Variants in WDR59 observed in about 807,000 individuals in gnomAD.
The protein encoded by WDR59 is GATOR2 complex protein WDR59.
A neutral mutation model predicts 131.2 loss-of-function variants in WDR59; 100 were observed. The ratio of observed to expected loss-of-function variants is 0.76; its 90% confidence interval spans 0.65 to 0.90. WDR59 has a LOEUF of 0.90. Ranked by LOEUF, WDR59 falls within the 40% of genes least tolerant of loss-of-function variation. The pLI is 0.00. For synonymous variants in WDR59, 601 were observed against 466.2 expected (o/e 1.29, Z -3.72); for missense variants, 1,203 against 1,262.2 (o/e 0.95, Z 0.71).
chr16:74,974,329 G>C (rs2034102498), intron 1 of WDR59, among the ~76,000 whole-genome samples: 1 of 152,130 alleles, frequency 6.6e-6, no homozygotes, highest in Non-Finnish European at 1.5e-5. Context: ...GGGCAGAGGA[G>C]AGGGCTATTT....
At position 74,886,418 on chromosome 16, in the gene WDR59, G is replaced by A. The variant is rs199679955; in HGVS notation, c.2420-22C>T. ...CCCGCTGAAGAAAATCAAATGGGAA[G>A]GGAAGATGGCAATCAGAGAAGGCAT... On this transcript the variant is annotated intron_variant, in intron 23 of 25. Transcript: ENST00000262144. The A allele has an allele frequency of 1.3e-3, 2,151 of 1,609,692 alleles. 2 individuals are homozygous for A. Among genetic ancestry groups the A allele is most frequent in the Non-Finnish European group, 1.7e-3 (2,024 of 1,178,238 alleles).
intron 18 of WDR59, 65 bp from the exon 19 acceptor site, chr16:74,893,877 G>C: frequency 6.3e-7 from 1 of 1,577,804 alleles, no homozygotes; most frequent in Non-Finnish European, 8.7e-7. Flanking sequence ...CAATTGCAGA[G>C]CTCATCATAT....
At chr16:74,958,592 CAAAAAAAAAAAAAAAAAAAA>C (rs747175030) in intron 2 of WDR59, among the ~76,000 whole-genome samples, 1 of 13,234 alleles carries the variant, frequency 7.6e-5, no homozygotes, top group Non-Finnish European at 1.5e-4. Context: ...GACTCCATCT[CAAAAAAAAAAAAAAAAAAAA>C]AAAAAAAACA....
At chr16:74,903,860 T>C in intron 18 of WDR59, 87 bp downstream of exon 18, 1 of 1,458,374 alleles carries the variant, frequency 6.9e-7, no homozygotes, top group Non-Finnish European at 9.2e-7. Context: ...GGGTGATTAC[T>C]AATCTAGCTG....
intron 2 of WDR59, among the ~76,000 whole-genome samples, chr16:74,960,415 T>C (rs768223441): frequency 3.3e-5 from 5 of 151,516 alleles, no homozygotes; most frequent in Admixed American, 6.6e-5. Flanking sequence ...ATATCCAACA[T>C]TGACTACTAG....
intron 17 of WDR59, among the ~76,000 whole-genome samples, chr16:74,905,410 G>A (rs1383508290): frequency 2.6e-5 from 4 of 151,366 alleles, no homozygotes; most frequent in South Asian, 2.1e-4. Flanking sequence ...GGCCGGGCAC[G>A]GTGGCTCACG....
intron 1 of WDR59, among the ~76,000 whole-genome samples, chr16:74,981,660 A>ATATTTTTTTTTTT (rs1567451007): frequency 2.5e-5 from 2 of 80,878 alleles, no homozygotes; most frequent in African/African-American, 1.5e-4. Context: ...ATATATATAT[A>ATATTTTTTTTTTT]TTTTTTTTTT....
At chr16:74,981,660 A>ATTTTTTTTTTTTTTTT (rs1181233727) in intron 1 of WDR59, among the ~76,000 whole-genome samples, 2 of 80,864 alleles carry the variant, frequency 2.5e-5, no homozygotes, top group Admixed American at 1.6e-4. Flanking sequence ...ATATATATAT[A>ATTTTTTTTTTTTTTTT]TTTTTTTTTT....
chr16:74,954,229 A>G (rs1268957323), intron 3 of WDR59, among the ~76,000 whole-genome samples: 1 of 151,956 alleles, frequency 6.6e-6, no homozygotes, highest in East Asian at 1.9e-4. Flanking sequence ...ACCAACACGG[A>G]GAAACCCTGT....
At chr16:74,941,211 T>C (rs990684177) in intron 7 of WDR59, among the ~76,000 whole-genome samples, 1 of 151,450 alleles carries the variant, frequency 6.6e-6, no homozygotes, top group East Asian at 2.0e-4. Flanking sequence ...TGTGGTGGCA[T>C]GTACCTGTAG....
At chr16:74,914,994 T>C (rs1966291672) in intron 13 of WDR59, among the ~76,000 whole-genome samples, 1 of 152,228 alleles carries the variant, frequency 6.6e-6, no homozygotes. Flanking sequence ...GGAGAGATAC[T>C]CAATTTTCTG....
At chr16:74,968,634 T>G (rs1049141691) in intron 1 of WDR59, among the ~76,000 whole-genome samples, 1 of 151,970 alleles carries the variant, frequency 6.6e-6, no homozygotes, top group African/African-American at 2.4e-5. Context: ...GGTAGGAGGA[T>G]CGCTTGAACC....
intron 18 of WDR59, 29 bp from the exon 19 acceptor site, chr16:74,893,841 T>C (rs754071011): frequency 1.2e-6 from 2 of 1,609,882 alleles, no homozygotes; most frequent in South Asian, 1.1e-5. Context: ...ATGTAACTAA[T>C]GGGGACTTTG....
At chr16:74,915,841 C>T (rs1311954107) in intron 13 of WDR59, 29 bp downstream of exon 13, 1 of 1,614,074 alleles carries the variant, frequency 6.2e-7, no homozygotes, top group Non-Finnish European at 8.5e-7. Flanking sequence ...CATCAGCAAA[C>T]ATGAGATACA....
Position 74,945,936 on chromosome 16 carries a change from G to A in WDR59, c.445+2583C>T, listed in dbSNP as rs374947856. Among the ~76,000 whole-genome samples, 24 of 150,784 alleles carry A rather than the reference G, an allele frequency of 1.6e-4. No individual in the cohort carries two copies. In the South Asian group the frequency reaches 1.7e-3, roughly 11 times the overall value. On this transcript the variant is annotated intron_variant, in intron 6 of 25. Coordinates refer to ENST00000262144, the MANE Select transcript of WDR59 (RefSeq NM_030581.4). ...AGGTTCAAGCAATTCTCCTGCCTCAGCCTCCCAAGAAGCTGAGATTACAGG... is the reference window on the plus strand; with the variant it reads ...AGGTTCAAGCAATTCTCCTGCCTCAACCTCCCAAGAAGCTGAGATTACAGG...
At position 74,874,121 on chromosome 16, in the gene WDR59, G is replaced by T; in HGVS notation, c.*88C>A. 8.4e-7 allele frequency: 1 copy of T among 1,183,572 alleles called. No homozygotes were observed. Among genetic ancestry groups the T allele is most frequent in the Non-Finnish European group, 1.2e-6 (1 of 835,408 alleles). 73.3% of individuals were successfully genotyped at this position (1,183,572 alleles called of 1,614,324 possible). ...TCCGGTCTCACTGGGGACGAACCCA[G>T]GTTCTGGAGCCTCTCCCCTGACAGA... On this transcript the variant is annotated 3_prime_UTR_variant, in exon 26 of 26. Transcript: ENST00000262144.
At chr16:74,917,849 C>A (rs1966467505) in intron 11 of WDR59, 80 bp downstream of exon 11, 3 of 1,222,520 alleles carry the variant, frequency 2.5e-6, no homozygotes, top group East Asian at 2.4e-5. Flanking sequence ...ATCCTGTAAC[C>A]TCTAATTTCC....
In WDR59 at chr16:74,912,321, G is replaced by A. The variant is rs555210021; in HGVS notation, c.1266C>T (p.Cys422=). The change falls in exon 14 of 26, where the codon TGC becomes TGT. Residue 422 remains cysteine, a synonymous_variant. Coordinates refer to ENST00000262144, the MANE Select transcript of WDR59 (RefSeq NM_030581.4). ...CCAGCATCTTGACACGATGGTTGCTGCAGTGCACAGACACTGTGCAGCTCC... is the reference window on the plus strand; with the variant it reads ...CCAGCATCTTGACACGATGGTTGCTACAGTGCACAGACACTGTGCAGCTCC... ...ADRSCTVSVH[C]SNHRVKMLVK... 1.2e-5 allele frequency: 20 copies of A among 1,614,096 alleles called. No individual in the cohort carries two copies. The South Asian group carries it at 2.1e-4, about 17-fold the overall frequency.
intron 25 of WDR59, among the ~76,000 whole-genome samples, chr16:74,875,843 GC>G (rs1964185668): frequency 6.6e-6 from 1 of 152,068 alleles, no homozygotes; most frequent in South Asian, 2.1e-4. Context: ...CTGGAGAAAG[GC>G]CCATGTTCAA....
Sources: allele counts gnomAD v4.1 joint callset (sites outside exome capture counted in the v4.1 genomes callset), GRCh38; gene constraint gnomAD v4.1.1; transcripts MANE v1.5; gene names NCBI Gene and HGNC (gene_info 2026-07-23, HGNC 2026-07-21).